Variants in BTRC observed in about 807,000 individuals in gnomAD.
BTRC encodes the protein beta-transducin repeat containing E3 ubiquitin protein ligase.
A neutral mutation model predicts 85.5 loss-of-function variants in BTRC; 42 were observed. The observed-to-expected ratio is 0.49, with a 90% CI of 0.38 to 0.64. The LOEUF (loss-of-function observed/expected upper bound fraction) is 0.64. Among genes scored for constraint, BTRC ranks in the 30% least tolerant of loss-of-function variants. The probability of loss-of-function intolerance (pLI) is 0.00; values close to 1 mark genes in which losing one functional copy is unlikely to be tolerated. For missense variants in BTRC, 594 were observed against 743.5 expected (o/e 0.80, Z 2.34); for synonymous variants, 255 against 263.3 (o/e 0.97, Z 0.30).
At chr10:101,439,659 AAAAGGGACAGTGTT>A (rs1944629140) in intron 2 of BTRC, among the ~76,000 whole-genome samples, 1 of 152,208 alleles carries the variant, frequency 6.6e-6, no homozygotes, top group Non-Finnish European at 1.5e-5. Flanking sequence ...TAAATGCATG[AAAAGGGACAGTGTT>A]AAAGAGAAGT....
At chr10:101,386,638 A>C (rs954473605) in intron 1 of BTRC, among the ~76,000 whole-genome samples, 2 of 152,208 alleles carry the variant, frequency 1.3e-5, no homozygotes, top group African/African-American at 4.8e-5. Flanking sequence ...AAAAATGAGC[A>C]CATGAAGAAC....
intron 1 of BTRC, among the ~76,000 whole-genome samples, chr10:101,370,200 C>A (rs971770957): frequency 2.6e-5 from 4 of 152,232 alleles, no homozygotes; most frequent in Non-Finnish European, 5.9e-5. Flanking sequence ...TCACAGCAGC[C>A]TCACTCAACC....
chr10:101,532,568 C>T, intron 8 of BTRC, 136 bp downstream of exon 8: 1 of 1,190,156 alleles, frequency 8.4e-7, no homozygotes, highest in Non-Finnish European at 1.1e-6. Flanking sequence ...AGTCCCAAAG[C>T]CAAAATCATT....
chr10:101,448,570 G>A (rs1448168589), intron 2 of BTRC, among the ~76,000 whole-genome samples: 2 of 152,020 alleles, frequency 1.3e-5, no homozygotes, highest in East Asian at 3.9e-4. Flanking sequence ...TACTACCTTA[G>A]GGTCTGGCTA....
chr10:101,438,243 G>A (rs1343623290), intron 2 of BTRC, among the ~76,000 whole-genome samples: 1 of 151,712 alleles, frequency 6.6e-6, no homozygotes, highest in Admixed American at 6.6e-5. Context: ...TGGCTAATGC[G>A]GTGAAACCCC....
intron 6 of BTRC, among the ~76,000 whole-genome samples, chr10:101,528,185 A>G (rs2062228388): frequency 6.6e-6 from 1 of 152,206 alleles, no homozygotes; most frequent in Admixed American, 6.5e-5. Context: ...TTGTGTTCCC[A>G]TTTGGACTGT....
intron 1 of BTRC, among the ~76,000 whole-genome samples, chr10:101,360,566 T>C (rs1029553406): frequency 1.3e-5 from 2 of 151,746 alleles, no homozygotes; most frequent in Non-Finnish European, 2.9e-5. Context: ...AGACGGGGTT[T>C]CACCATGTTG....
At chr10:101,520,310 C>T (rs530134669) in intron 4 of BTRC, among the ~76,000 whole-genome samples, 1 of 151,912 alleles carries the variant, frequency 6.6e-6, no homozygotes, top group Non-Finnish European at 1.5e-5. Flanking sequence ...ACCTTTGCCT[C>T]CCAAAATGCT....
chr10:101,408,073 ACT>A (rs563704876), intron 1 of BTRC, among the ~76,000 whole-genome samples: 191 of 152,246 alleles, frequency 1.3e-3, no homozygotes, highest in African/African-American at 4.0e-3. Context: ...TAGATATTTC[ACT>A]TTTTTGTATT....
intron 13 of BTRC, among the ~76,000 whole-genome samples, chr10:101,541,132 C>T (rs1473476874): frequency 2.6e-5 from 4 of 151,630 alleles, no homozygotes; most frequent in African/African-American, 4.8e-5. Context: ...CTAAGACCTC[C>T]AGTACAATGT....
chr10:101,513,508 A>G (rs1383293105), intron 4 of BTRC, among the ~76,000 whole-genome samples: 1 of 152,204 alleles, frequency 6.6e-6, no homozygotes, highest in Non-Finnish European at 1.5e-5. Context: ...TACTGTTCCT[A>G]GAGTTTCATA....
intron 1 of BTRC, among the ~76,000 whole-genome samples, chr10:101,417,897 C>G (rs1943989322): frequency 6.6e-6 from 1 of 152,084 alleles, no homozygotes; most frequent in Admixed American, 6.6e-5. Flanking sequence ...TGACTGGTCT[C>G]TAATTCTTGG....
chr10:101,358,754 A>G (rs1241477695), intron 1 of BTRC, among the ~76,000 whole-genome samples: 2 of 152,164 alleles, frequency 1.3e-5, no homozygotes, highest in Admixed American at 1.3e-4. Flanking sequence ...GGGACATTCC[A>G]GGAGACAGGA....
At chr10:101,465,790 T>C (rs1160124557) in intron 3 of BTRC, among the ~76,000 whole-genome samples, 2 of 152,186 alleles carry the variant, frequency 1.3e-5, no homozygotes, top group Non-Finnish European at 2.9e-5. Flanking sequence ...ACCTGCTTTT[T>C]CGTTTCATTT....
chr10:101,497,711 C>T (rs909551537), intron 4 of BTRC, among the ~76,000 whole-genome samples: 13 of 151,170 alleles, frequency 8.6e-5, no homozygotes, highest in Admixed American at 8.6e-4. Flanking sequence ...GTCTATCAGT[C>T]AATCAACCCA....
chr10:101,457,451 A>AG (rs1945112068), intron 2 of BTRC, among the ~76,000 whole-genome samples: 1 of 152,218 alleles, frequency 6.6e-6, no homozygotes, highest in South Asian at 2.1e-4. Flanking sequence ...GGCAGGACAG[A>AG]GCTACCAGAA....
At chr10:101,377,158 C>A (rs1942811873) in intron 1 of BTRC, among the ~76,000 whole-genome samples, 1 of 152,152 alleles carries the variant, frequency 6.6e-6, no homozygotes, top group Non-Finnish European at 1.5e-5. Context: ...AATATGAAAT[C>A]TTCTGTTACT....
intron 1 of BTRC, among the ~76,000 whole-genome samples, chr10:101,391,088 T>G (rs1943226253): frequency 1.3e-5 from 2 of 152,202 alleles, no homozygotes; most frequent in Non-Finnish European, 2.9e-5. Flanking sequence ...TTTCTTGATA[T>G]GGAATACAAT....
rs2062712864 is a variant in BTRC, at chr10:101,555,447, C to T, written c.*2324C>T. 6.6e-6 allele frequency: 1 copy of T among 152,604 alleles called. No homozygotes were observed. Among genetic ancestry groups the T allele is most frequent in the Non-Finnish European group, 1.5e-5 (1 of 68,034 alleles). 9.5% of individuals were successfully genotyped at this position (152,604 alleles called of 1,614,324 possible). A position where few individuals can be genotyped will look rare whatever the true frequency, so the allele number is the denominator to read the frequency against. On this transcript the variant is annotated 3_prime_UTR_variant, in exon 15 of 15. Coordinates refer to ENST00000370187, the MANE Select transcript of BTRC (RefSeq NM_033637.4). ...ACCCCTGCAGATGTGGAGCCATTAG[C>T]CCAGTTGAGGATATTCTCCAAGTTG...
Sources: gnomAD v4.1 joint callset for allele counts (sites outside exome capture counted in the v4.1 genomes callset) on GRCh38, gnomAD v4.1.1 for gene constraint, MANE v1.5 for transcripts, NCBI Gene and HGNC (gene_info 2026-07-23, HGNC 2026-07-21) for gene names.